The following CHRM3 variants were observed in gnomAD, a reference collection of about 807,000 sequenced individuals.
The protein encoded by CHRM3 is muscarinic acetylcholine receptor M3.
Under a neutral mutation model 41.8 loss-of-function variants are expected in CHRM3, and 11 were observed. The ratio of observed to expected loss-of-function variants is 0.26; its 90% CI spans 0.17 to 0.44. The LOEUF is 0.44. Among genes scored for constraint, CHRM3 ranks in the 20% least tolerant of loss-of-function variants. The pLI, the probability that CHRM3 is intolerant of heterozygous loss-of-function variation, is 1.00. For missense variants in CHRM3, 571 were observed against 745.4 expected, an observed-to-expected ratio of 0.77 and a Z score of 2.72; for synonymous variants, 297 against 301.4, an observed-to-expected ratio of 0.99 and a Z score of 0.15.
At chr1:239,580,493 C>A (rs1558336931) in intron 3 of CHRM3, among the ~76,000 whole-genome samples, 1 of 151,620 alleles carries the variant, frequency 6.6e-6, no homozygotes, top group African/African-American at 2.4e-5. Flanking sequence ...TTATGCCTTG[C>A]TGGAAAGTCA....
At position 239,801,111 on chromosome 1, in the gene CHRM3, T is replaced by C. The variant is rs895826654; in HGVS notation, c.-146-26141T>C. On this transcript the variant is annotated intron_variant, in intron 5 of 6. Transcript: ENST00000676153. Reference sequence around the variant, plus strand: ...TACTGATGACAACCACTAACATTTATTGGACTGTTACTATAAGCCAGGCAT... The same window carrying C: ...TACTGATGACAACCACTAACATTTACTGGACTGTTACTATAAGCCAGGCAT... Among the ~76,000 whole-genome samples the C allele has an allele frequency of 6.6e-5, 10 of 152,338 alleles. No homozygotes were observed. In the East Asian group the frequency reaches 1.7e-3, roughly 26 times the overall value.
At chr1:239,763,160 C>A (rs142041829) in intron 5 of CHRM3, among the ~76,000 whole-genome samples, 20 of 152,188 alleles carry the variant, frequency 1.3e-4, no homozygotes, top group Admixed American at 1.3e-3. Flanking sequence ...AGAAAACTGT[C>A]ATGTTTTAAC....
At chr1:239,486,935 G>T (rs958477494) in intron 1 of CHRM3, among the ~76,000 whole-genome samples, 2 of 152,170 alleles carry the variant, frequency 1.3e-5, no homozygotes, top group Non-Finnish European at 2.9e-5. Context: ...TTGATTAAAT[G>T]AAAATATGAA....
intron 5 of CHRM3, among the ~76,000 whole-genome samples, chr1:239,813,903 C>G (rs1389596575): frequency 2.2e-5 from 2 of 90,628 alleles, no homozygotes; most frequent in African/African-American, 1.2e-4. Flanking sequence ...GGCGACAGAG[C>G]GAGACTCCGT....
intron 5 of CHRM3, among the ~76,000 whole-genome samples, chr1:239,821,948 G>A (rs892483312): frequency 1.3e-5 from 2 of 152,102 alleles, no homozygotes; most frequent in African/African-American, 4.8e-5. Flanking sequence ...TCCCCTGCCT[G>A]CACTCACTAC....
At chr1:239,491,901 AGTT>A in intron 1 of CHRM3, among the ~76,000 whole-genome samples, 1 of 152,352 alleles carries the variant, frequency 6.6e-6, no homozygotes, top group Non-Finnish European at 1.5e-5. Flanking sequence ...AGCTCAGAGT[AGTT>A]GTTGTGAAGC....
chr1:239,878,332 C>T (rs1677292930), intron 6 of CHRM3, among the ~76,000 whole-genome samples: 1 of 152,080 alleles, frequency 6.6e-6, no homozygotes. Context: ...AGCACACAAG[C>T]TAGATCCTTC....
chr1:239,497,207 C>T (rs1667941594), intron 2 of CHRM3, among the ~76,000 whole-genome samples: 1 of 152,118 alleles, frequency 6.6e-6, no homozygotes, highest in Non-Finnish European at 1.5e-5. Context: ...TGAAATTACT[C>T]TTCATTTTAT....
At chr1:239,897,904 C>T (rs1324655309) in intron 6 of CHRM3, 6 of 152,184 alleles carry the variant, frequency 3.9e-5, no homozygotes, top group African/African-American at 1.4e-4. Context: ...CTTTTCCAAG[C>T]ACCCTGCATT....
chr1:239,422,806 AAAACAAAAAC>A (rs747335725), intron 1 of CHRM3, among the ~76,000 whole-genome samples: 3,278 of 151,856 alleles, frequency 0.022, 96 homozygotes, highest in African/African-American at 0.075. Context: ...AAAAAAAACA[AAAACAAAAAC>A]AAAAAACAGT....
At chr1:239,778,293 A>G (rs1308101243) in intron 5 of CHRM3, among the ~76,000 whole-genome samples, 1 of 152,086 alleles carries the variant, frequency 6.6e-6, no homozygotes, top group African/African-American at 2.4e-5. Flanking sequence ...AGTTCTTTCT[A>G]TTTTCAACCA....
At chr1:239,540,262 C>T (rs1658635034) in intron 2 of CHRM3, among the ~76,000 whole-genome samples, 2 of 152,186 alleles carry the variant, frequency 1.3e-5, no homozygotes, top group Non-Finnish European at 2.9e-5. Context: ...TTAGCCTTTA[C>T]TACAGAAGTC....
intron 1 of CHRM3, among the ~76,000 whole-genome samples, chr1:239,448,787 G>T (rs1051604931): frequency 1.3e-5 from 2 of 152,000 alleles, no homozygotes; most frequent in Non-Finnish European, 2.9e-5. Context: ...TTGTTTGTTT[G>T]TTTGTTTTGT....
intron 5 of CHRM3, among the ~76,000 whole-genome samples, chr1:239,731,943 C>G (rs1215933516): frequency 1.3e-5 from 2 of 151,956 alleles, no homozygotes; most frequent in Non-Finnish European, 2.9e-5. Flanking sequence ...AATTCTGGTT[C>G]TGAATTACAG....
intron 6 of CHRM3, among the ~76,000 whole-genome samples, chr1:239,889,631 A>T (rs1474286862): frequency 6.6e-6 from 1 of 152,156 alleles, no homozygotes; most frequent in Non-Finnish European, 1.5e-5. Flanking sequence ...CTGCCTAAAT[A>T]ATTTCTTTCT....
chr1:239,880,045 A>G (rs1365104445), intron 6 of CHRM3, among the ~76,000 whole-genome samples: 2 of 152,220 alleles, frequency 1.3e-5, no homozygotes, highest in Non-Finnish European at 2.9e-5. Flanking sequence ...TTCACGAGGC[A>G]GCAAAGCAAG....
rs562107769 is a variant in CHRM3 at position 239,681,330 on chromosome 1, G to A, written c.-147+3042G>A. Among the ~76,000 whole-genome samples, 233 of 152,280 alleles carry A rather than the reference G, an allele frequency of 1.5e-3. 2 individuals are homozygous for A. Among genetic ancestry groups the A allele is most frequent in the Non-Finnish European group, 2.0e-3 (135 of 68,028 alleles). On this transcript the variant is annotated intron_variant, in intron 5 of 6. Coordinates refer to ENST00000676153, the MANE Select transcript of CHRM3 (RefSeq NM_001375978.1). ...TCATAAGAAAGTTTTCTTCAGAAAA[G>A]TTACCTTTGCAGGTATTTTAATTGG...
At chr1:239,856,678 G>C (rs541365125) in intron 6 of CHRM3, among the ~76,000 whole-genome samples, 24 of 152,242 alleles carry the variant, frequency 1.6e-4, no homozygotes, top group African/African-American at 5.5e-4. Context: ...AGCCATGGAT[G>C]ATTACAGACC....
intron 6 of CHRM3, among the ~76,000 whole-genome samples, chr1:239,902,067 A>C (rs1679622441): frequency 6.6e-6 from 1 of 152,206 alleles, no homozygotes; most frequent in Admixed American, 6.5e-5. Flanking sequence ...GCAGTTTCAA[A>C]GCCCTTATCT....
Sources: gnomAD v4.1 joint callset for allele counts (sites outside exome capture counted in the v4.1 genomes callset) on GRCh38, gnomAD v4.1.1 for gene constraint, MANE v1.5 for transcripts, NCBI Gene and HGNC (gene_info 2026-07-23, HGNC 2026-07-21) for gene names.